Variants in LY96 observed in about 807,000 individuals in gnomAD.
The protein encoded by LY96 is myeloid differentiation protein-2.
In LY96, 18 loss-of-function variants were observed where a neutral mutation model predicts 18.9. The ratio of observed to expected loss-of-function variants is 0.95; its 90% CI spans 0.66 to 1.41. The LOEUF (loss-of-function observed/expected upper bound fraction) is 1.41. LY96 is among the 40% of genes most tolerant of loss of function. LY96 has a pLI of 0.00. For synonymous variants in LY96, 66 were observed against 62.6 expected (o/e 1.06, Z -0.26); for missense variants, 175 against 182.4 (o/e 0.96, Z 0.23).
At chr8:74,087,449 C>G in the LY96 span, among the ~76,000 whole-genome samples, 1 of 152,152 alleles carries the variant, frequency 6.6e-6, no homozygotes, top group Non-Finnish European at 1.5e-5. Flanking sequence ...TGAGAAGCCT[C>G]AGAAAAGCCA....
At chr8:74,081,767 C>T in the LY96 span, among the ~76,000 whole-genome samples, 1 of 152,090 alleles carries the variant, frequency 6.6e-6, no homozygotes, top group Non-Finnish European at 1.5e-5. Flanking sequence ...GATTCTCTTG[C>T]CTCAGCCTCC....
chr8:74,031,495 G>A (rs577897138), downstream of LY96, among the ~76,000 whole-genome samples: 4 of 151,862 alleles, frequency 2.6e-5, no homozygotes, highest in African/African-American at 7.2e-5. Context: ...GTGTGGTGGC[G>A]GGCACCTGTA....
At chr8:74,059,292 T>C in the LY96 span, among the ~76,000 whole-genome samples, 23 of 152,228 alleles carry the variant, frequency 1.5e-4, no homozygotes, top group African/African-American at 5.3e-4. Context: ...GATAGAAAGA[T>C]GTGAATTCTC....
chr8:74,062,185 A>C, the LY96 span, among the ~76,000 whole-genome samples: 3 of 152,210 alleles, frequency 2.0e-5, no homozygotes, highest in Non-Finnish European at 4.4e-5. Flanking sequence ...AGCAGGTGAC[A>C]TCTCTCAGAT....
the LY96 span, among the ~76,000 whole-genome samples, chr8:74,044,807 T>C: frequency 6.6e-6 from 1 of 152,226 alleles, no homozygotes; most frequent in African/African-American, 2.4e-5. Context: ...AGAAAAATGG[T>C]TTCTGTCTCA....
intron 3 of LY96, among the ~76,000 whole-genome samples, chr8:74,016,300 T>A (rs1395750143): frequency 2.6e-5 from 4 of 152,228 alleles, no homozygotes; most frequent in Admixed American, 1.3e-4. Flanking sequence ...GGCAGCAGCC[T>A]GGCTCGGGAG....
intron 1 of LY96, among the ~76,000 whole-genome samples, chr8:73,995,426 C>T (rs1198733173): frequency 1.3e-5 from 2 of 152,294 alleles, no homozygotes; most frequent in African/African-American, 4.8e-5. Flanking sequence ...CTTATAAGGA[C>T]ACCAACAAGA....
chr8:74,077,633 T>C, the LY96 span, among the ~76,000 whole-genome samples: 2 of 152,122 alleles, frequency 1.3e-5, no homozygotes, highest in African/African-American at 2.4e-5. Context: ...TTTATGTGTG[T>C]ATTTGGAAAT....
intron 1 of LY96, among the ~76,000 whole-genome samples, chr8:73,996,195 T>C (rs920153248): frequency 3.9e-5 from 6 of 152,104 alleles, no homozygotes; most frequent in African/African-American, 1.4e-4. Flanking sequence ...GTAGAGACAG[T>C]GTCTTGCTGT....
the LY96 span, among the ~76,000 whole-genome samples, chr8:74,053,599 T>C: frequency 8.5e-5 from 13 of 152,356 alleles, no homozygotes; most frequent in African/African-American, 2.6e-4. Context: ...TTACTCTCTA[T>C]CTTTACTCTC....
the LY96 span, chr8:74,048,650 AC>A: frequency 2.6e-5 from 4 of 152,102 alleles, no homozygotes; most frequent in African/African-American, 9.7e-5. Context: ...ACTTTTACTC[AC>A]CTTTTACTGA....
At chr8:74,022,202 G>A (rs1816777626) in intron 3 of LY96, among the ~76,000 whole-genome samples, 2 of 152,132 alleles carry the variant, frequency 1.3e-5, no homozygotes, top group Non-Finnish European at 2.9e-5. Flanking sequence ...GAGGTTAGGA[G>A]TTCCAGACCA....
chr8:74,086,631 ATGCTGTT>A, the LY96 span, among the ~76,000 whole-genome samples: 1 of 152,310 alleles, frequency 6.6e-6, no homozygotes, highest in East Asian at 1.9e-4. Context: ...ATTCTAACTG[ATGCTGTT>A]TGCTTGAGCT....
chr8:74,077,337 G>T, the LY96 span, among the ~76,000 whole-genome samples: 1 of 152,192 alleles, frequency 6.6e-6, no homozygotes, highest in African/African-American at 2.4e-5. Flanking sequence ...CTGTCGCTCA[G>T]GAAATTCCAA....
intron 3 of LY96, among the ~76,000 whole-genome samples, 174 bp from the exon 4 acceptor site, chr8:74,026,615 C>T (rs1023025634): frequency 2.6e-4 from 39 of 152,030 alleles, no homozygotes; most frequent in African/African-American, 8.2e-4. Context: ...GCTCTAGGGG[C>T]GGAGAAAGGA....
the LY96 span, among the ~76,000 whole-genome samples, chr8:74,053,946 C>T: frequency 6.6e-6 from 1 of 152,188 alleles, no homozygotes; most frequent in Admixed American, 6.5e-5. Flanking sequence ...AGCAAGAAGG[C>T]CCTCACCAGA....
chr8:74,028,484 A>G (rs533782592), intron 4 of LY96, among the ~76,000 whole-genome samples: 1 of 152,240 alleles, frequency 6.6e-6, no homozygotes, highest in Non-Finnish European at 1.5e-5. Flanking sequence ...GTTTAGGAGA[A>G]TAAAAATCAC....
At chr8:74,047,759 C>T in the LY96 span, among the ~76,000 whole-genome samples, 2 of 152,202 alleles carry the variant, frequency 1.3e-5, no homozygotes, top group African/African-American at 4.8e-5. Flanking sequence ...TTCTAGACTG[C>T]TGTAGTATTA....
At position 73,995,947 on chromosome 8, in the gene LY96, GC is replaced by G. The variant is rs748078936; in HGVS notation, c.112+4394del. On this transcript the variant is annotated intron_variant, in intron 1 of 4. Transcript: ENST00000284818. ...TGAAAGAAAAATAAGGCTGGGGGAT[GC>G]GGGGTAGAGGGTGCAAAGATGCAAA... Among the ~76,000 whole-genome samples the G allele has an allele frequency of 6.6e-5, 10 of 152,306 alleles. No individual in the cohort carries two copies. The East Asian group carries it at 9.7e-4, about 15-fold the overall frequency.
Sources: allele counts gnomAD v4.1 joint callset (sites outside exome capture counted in the v4.1 genomes callset), GRCh38; gene constraint gnomAD v4.1.1; transcripts MANE v1.5; gene names NCBI Gene and HGNC (gene_info 2026-07-23, HGNC 2026-07-21).